Variants in HDAC9 observed in about 807,000 individuals in gnomAD.
HDAC9 encodes histone deacetylase 9.
Under a neutral mutation model 139.4 loss-of-function variants are expected in HDAC9, and 41 were observed. The ratio of observed to expected loss-of-function variants is 0.29; its 90% CI spans 0.23 to 0.38. The LOEUF (loss-of-function observed/expected upper bound fraction) is 0.38. HDAC9 is among the 10% of genes least tolerant of loss of function. The probability of loss-of-function intolerance (pLI) is 1.00; values close to 1 mark genes in which losing one functional copy is unlikely to be tolerated. For synonymous variants in HDAC9, 517 were observed against 476.2 expected (o/e 1.09, Z -1.12); for missense variants, 1,147 against 1,297.0 (o/e 0.88, Z 1.78).
At chr7:18,646,656 G>T (rs1312084044) in intron 9 of HDAC9, among the ~76,000 whole-genome samples, 1 of 151,950 alleles carries the variant, frequency 6.6e-6, no homozygotes, top group South Asian at 2.1e-4. Context: ...AAATTGCTTC[G>T]CCTCCCTGGT....
intron 1 of HDAC9, among the ~76,000 whole-genome samples, chr7:18,373,989 T>C (rs560612552): frequency 6.6e-4 from 100 of 152,066 alleles, no homozygotes; most frequent in South Asian, 5.4e-3. Context: ...CTGTAAAAAA[T>C]GTTACAATAT....
chr7:18,489,242 C>T (rs1329220050), intron 1 of HDAC9, among the ~76,000 whole-genome samples: 2 of 151,890 alleles, frequency 1.3e-5, no homozygotes, highest in South Asian at 2.1e-4. Context: ...ATGCATGAAA[C>T]TTTTTATAAC....
At chr7:18,984,360 A>C (rs1175424411) in intron 25 of HDAC9, among the ~76,000 whole-genome samples, 1 of 152,158 alleles carries the variant, frequency 6.6e-6, no homozygotes, top group African/African-American at 2.4e-5. Context: ...GGCTGGGTAG[A>C]AAGGGATCAT....
intron 1 of HDAC9, among the ~76,000 whole-genome samples, chr7:18,366,744 T>C (rs927147399): frequency 6.6e-6 from 1 of 152,140 alleles, no homozygotes; most frequent in Admixed American, 6.6e-5. Context: ...TAACTTGGTT[T>C]CTAAAAGAAA....
Position 18,583,991 on chromosome 7 carries a change from G to A in HDAC9, c.23-1290G>A, listed in dbSNP as rs937745487. Among the ~76,000 whole-genome samples, 26 of 152,050 alleles carry A rather than the reference G, an allele frequency of 1.7e-4. 1 individual carries two copies. Among genetic ancestry groups the A allele is most frequent in the Admixed American group, 1.7e-3 (26 of 15,270 alleles). ...AATTTTCCCGATTCTTGTGGGTAAG[G>A]GTCATACTCAAAATATTTAACAACC... On this transcript the variant is annotated intron_variant, in intron 2 of 25. Transcript: ENST00000686413.
chr7:18,483,787 C>T (rs1795760344), intron 1 of HDAC9, among the ~76,000 whole-genome samples: 1 of 152,052 alleles, frequency 6.6e-6, no homozygotes, highest in Admixed American at 6.6e-5. Context: ...TCAAAATTAA[C>T]AAATTTTATT....
intron 6 of HDAC9, among the ~76,000 whole-genome samples, chr7:18,602,769 A>G (rs944304994): frequency 1.3e-5 from 2 of 151,874 alleles, no homozygotes; most frequent in Non-Finnish European, 2.9e-5. Flanking sequence ...TCTTTCTGTT[A>G]TTTATTTTAA....
At chr7:18,403,668 A>G (rs1787749449) in intron 1 of HDAC9, among the ~76,000 whole-genome samples, 1 of 152,230 alleles carries the variant, frequency 6.6e-6, no homozygotes, top group African/African-American at 2.4e-5. Flanking sequence ...CTCACTCATA[A>G]ACATTTATTG....
chr7:18,681,758 A>G (rs1443950070), intron 12 of HDAC9, among the ~76,000 whole-genome samples: 1 of 152,060 alleles, frequency 6.6e-6, no homozygotes, highest in East Asian at 1.9e-4. Flanking sequence ...AAGTTAGATT[A>G]AGTCACACAG....
intron 2 of HDAC9, among the ~76,000 whole-genome samples, chr7:18,550,169 A>G (rs979535982): frequency 6.6e-6 from 1 of 152,218 alleles, no homozygotes; most frequent in African/African-American, 2.4e-5. Flanking sequence ...TTAACAGATT[A>G]GAACCTAAAG....
In HDAC9 at chr7:18,944,000, C is replaced by T. The variant is rs371761812; in HGVS notation, c.2937+8058C>T. 1.4e-4 allele frequency among the ~76,000 whole-genome samples: 21 copies of T among 152,160 alleles called. No homozygotes were observed. The South Asian group carries it at 4.1e-3, about 30-fold the overall frequency. On this transcript the variant is annotated intron_variant, in intron 23 of 25. Coordinates refer to ENST00000686413, the MANE Select transcript of HDAC9 (RefSeq NM_178425.4). ...ATTTGGTCAAGAATTTTAATGACTT[C>T]AAACAAATAAAATAGGTTATTTCAA... is the stretch of plus-strand genomic sequence containing the variant.
chr7:18,292,079 G>A (rs1797844933), intron 1 of HDAC9, among the ~76,000 whole-genome samples: 1 of 152,078 alleles, frequency 6.6e-6, no homozygotes, highest in African/African-American at 2.4e-5. Flanking sequence ...GGCAACAAAT[G>A]GATGGTGAGG....
intron 2 of HDAC9, among the ~76,000 whole-genome samples, chr7:18,269,269 A>C (rs375268446): frequency 7.9e-5 from 12 of 152,206 alleles, no homozygotes; most frequent in Admixed American, 7.2e-4. Flanking sequence ...ATAGTTCCTC[A>C]ACCAGGAATT....
intron 12 of HDAC9, among the ~76,000 whole-genome samples, chr7:18,700,184 A>C (rs755543887): frequency 4.6e-5 from 7 of 152,210 alleles, no homozygotes; most frequent in African/African-American, 9.6e-5. Context: ...TAGAGCAATT[A>C]CTAGATTTGG....
chr7:18,530,996 C>G (rs924379499), intron 2 of HDAC9, among the ~76,000 whole-genome samples: 1 of 151,950 alleles, frequency 6.6e-6, no homozygotes, highest in African/African-American at 2.4e-5. Flanking sequence ...GCCATTTTAA[C>G]AATTTTTTAC....
At chr7:18,256,570 A>C (rs768148946) in intron 2 of HDAC9, among the ~76,000 whole-genome samples, 1 of 152,236 alleles carries the variant, frequency 6.6e-6, no homozygotes, top group Non-Finnish European at 1.5e-5. Context: ...CATTGTCATC[A>C]GTAATGGGAA....
intron 10 of HDAC9, 143 bp downstream of exon 10, chr7:18,648,141 A>C: frequency 8.6e-6 from 6 of 693,810 alleles, no homozygotes; most frequent in Non-Finnish European, 1.4e-5. Context: ...ACTGTGGGAA[A>C]GGCTATCATC....
chr7:18,104,694 G>C (rs1300176739), intron 1 of HDAC9, among the ~76,000 whole-genome samples: 1 of 151,968 alleles, frequency 6.6e-6, no homozygotes, highest in Non-Finnish European at 1.5e-5. Context: ...CTCTGCCTCT[G>C]CTCTCTCCTT....
chr7:18,104,104 G>A (rs539618151), intron 1 of HDAC9, among the ~76,000 whole-genome samples: 9 of 152,290 alleles, frequency 5.9e-5, no homozygotes, highest in South Asian at 4.1e-4. Context: ...GAGAAAACCC[G>A]TGCAGACAAG....
Sources: allele counts gnomAD v4.1 joint callset (sites outside exome capture counted in the v4.1 genomes callset), GRCh38; gene constraint gnomAD v4.1.1; transcripts MANE v1.5; gene names NCBI Gene and HGNC (gene_info 2026-07-23, HGNC 2026-07-21).